SPPL3: variants seen among roughly 807,000 people sequenced by gnomAD.
SPPL3 encodes the protein signal peptide peptidase like 3, also known as signal peptide peptidase-like 3.
SPPL3 carries 5 observed loss-of-function variants against 42.4 expected under a neutral mutation model. The ratio of observed to expected loss-of-function variants is 0.12; its 90% CI spans 0.06 to 0.25. SPPL3 has a LOEUF of 0.25. Among genes scored for constraint, SPPL3 ranks in the 10% least tolerant of loss-of-function variants. SPPL3 has a pLI of 1.00. For synonymous variants in SPPL3, 195 were observed against 181.8 expected (o/e 1.07, Z -0.58); for missense variants, 235 against 489.0 (o/e 0.48, Z 4.90).
intron 2 of SPPL3, among the ~76,000 whole-genome samples, chr12:120,803,325 T>C (rs1379954623): frequency 1.3e-5 from 2 of 152,186 alleles, no homozygotes; most frequent in Non-Finnish European, 2.9e-5. Flanking sequence ...CAAAAGTTAG[T>C]ACATGCTCTG....
Position 120,834,745 on chromosome 12 carries a change from T to C in SPPL3, c.24-23859A>G, listed in dbSNP as rs550466919. Among the ~76,000 whole-genome samples the C allele has an allele frequency of 4.6e-5, 7 of 152,318 alleles. No individual in the cohort carries two copies. In the South Asian group the frequency reaches 1.5e-3, roughly 32 times the overall value. The stretch of plus-strand genomic sequence containing the variant: ...TTAACCAGAGCTAAAAATAACCTTT[T>C]GTGTTTCCCTTTCTGTACTCTTTTC... On this transcript the variant is annotated intron_variant, in intron 1 of 10. Transcript: ENST00000353487.
At chr12:120,799,980 AC>A (rs1870233409) in intron 2 of SPPL3, among the ~76,000 whole-genome samples, 1 of 152,134 alleles carries the variant, frequency 6.6e-6, no homozygotes, top group Non-Finnish European at 1.5e-5. Flanking sequence ...TAGGCCTTTA[AC>A]TTAGCTTATT....
chr12:120,880,765 C>T (rs1340153356), intron 1 of SPPL3, among the ~76,000 whole-genome samples: 2 of 150,696 alleles, frequency 1.3e-5, no homozygotes, highest in African/African-American at 2.4e-5. Context: ...CTAGCCTGGG[C>T]GACAGAGAGA....
At chr12:120,817,999 G>T (rs1870937437) in intron 1 of SPPL3, among the ~76,000 whole-genome samples, 1 of 152,114 alleles carries the variant, frequency 6.6e-6, no homozygotes, top group Non-Finnish European at 1.5e-5. Flanking sequence ...AAAAGGGTGG[G>T]TAAGTCTGGC....
At chr12:120,845,188 T>G in intron 1 of SPPL3, 1 of 459,640 alleles carries the variant, frequency 2.2e-6, no homozygotes, top group Non-Finnish European at 4.4e-6. Context: ...ACAGGTGGCC[T>G]GAATGTACCA....
In SPPL3 at chr12:120,781,555, GT is replaced by G. The variant is rs527339173; in HGVS notation, c.502+1099del. ...TCTAATCCCATCTCCTTATTGTTAC[GT>G]TTTTTTTTTTTTTTTTTTTTTTTTT... On this transcript the variant is annotated intron_variant, in intron 6 of 10. Coordinates refer to ENST00000353487, the MANE Select transcript of SPPL3 (RefSeq NM_139015.5). 9.5e-4 allele frequency among the ~76,000 whole-genome samples: 60 copies of G among 63,010 alleles called. 2 individuals are homozygous for G. The highest frequency in any genetic ancestry group is 2.6e-3 in the African/African-American group (38 of 14,642). The allele number at this position is 63,010 out of a possible 152,430, so 41.3% of individuals were successfully genotyped here.
chr12:120,792,342 T>G (rs535669315), intron 2 of SPPL3, among the ~76,000 whole-genome samples: 12 of 31,894 alleles, frequency 3.8e-4, no homozygotes, highest in African/African-American at 3.0e-3. Context: ...GCTTGCTCAT[T>G]TCTTTCTTTT....
chr12:120,809,916 T>C (rs1429800402), intron 2 of SPPL3, among the ~76,000 whole-genome samples: 3 of 152,210 alleles, frequency 2.0e-5, no homozygotes, highest in East Asian at 1.9e-4. Flanking sequence ...AAAAATATGA[T>C]GTAAATTTCC....
At chr12:120,875,722 T>C (rs1325408664) in intron 1 of SPPL3, among the ~76,000 whole-genome samples, 2 of 141,152 alleles carry the variant, frequency 1.4e-5, no homozygotes, top group Admixed American at 6.9e-5. Context: ...GAAAAATAAA[T>C]TCCAAGAAGG....
Position 120,793,240 on chromosome 12 carries a change from T to G in SPPL3, c.102-1683A>C, listed in dbSNP as rs564598933. 2.6e-5 allele frequency among the ~76,000 whole-genome samples: 4 copies of G among 152,344 alleles called. No homozygotes were observed. The East Asian group carries it at 7.7e-4, about 29-fold the overall frequency. ...ACCATGAGAAACTGGCTGGAAGCGG[T>G]GGCTCACGCCTGGAATCCCAGCACT... On this transcript the variant is annotated intron_variant, in intron 2 of 10. Transcript: ENST00000353487.
At chr12:120,846,337 C>CAT in intron 1 of SPPL3, among the ~76,000 whole-genome samples, 1 of 152,288 alleles carries the variant, frequency 6.6e-6, no homozygotes, top group East Asian at 1.9e-4. Flanking sequence ...ACAGTAATGA[C>CAT]ATATTTGTTT....
intron 1 of SPPL3, among the ~76,000 whole-genome samples, chr12:120,888,277 C>T (rs751724959): frequency 9.9e-5 from 15 of 152,130 alleles, no homozygotes; most frequent in Non-Finnish European, 2.1e-4. Context: ...GGTTTCACCA[C>T]GTTGGCCAGG....
intron 3 of SPPL3, among the ~76,000 whole-genome samples, chr12:120,785,114 T>C (rs1424576842): frequency 6.6e-6 from 1 of 151,870 alleles, no homozygotes; most frequent in Non-Finnish European, 1.5e-5. Context: ...ATCAGAAAAA[T>C]TTTATTTGGC....
At chr12:120,871,938 A>C (rs919261180) in intron 1 of SPPL3, among the ~76,000 whole-genome samples, 2 of 152,122 alleles carry the variant, frequency 1.3e-5, no homozygotes, top group Non-Finnish European at 2.9e-5. Context: ...GATTTTTCCG[A>C]TTTTGGAATA....
intron 1 of SPPL3, among the ~76,000 whole-genome samples, chr12:120,893,706 A>C (rs568565602): frequency 6.6e-6 from 1 of 152,108 alleles, no homozygotes; most frequent in African/African-American, 2.4e-5. Context: ...TGCCCCTAAA[A>C]ATTCTCTTAT....
At chr12:120,866,995 T>C (rs1158809459) in intron 1 of SPPL3, among the ~76,000 whole-genome samples, 1 of 152,232 alleles carries the variant, frequency 6.6e-6, no homozygotes, top group African/African-American at 2.4e-5. Context: ...GCTTGAGTGA[T>C]AATCCATCCT....
intron 2 of SPPL3, among the ~76,000 whole-genome samples, chr12:120,808,343 T>C (rs1381953486): frequency 1.3e-5 from 2 of 152,164 alleles, no homozygotes; most frequent in East Asian, 3.8e-4. Flanking sequence ...CCCAAAGTGC[T>C]GGGATTACAG....
chr12:120,853,340 C>G (rs1041180414), intron 1 of SPPL3, among the ~76,000 whole-genome samples: 2 of 152,114 alleles, frequency 1.3e-5, no homozygotes, highest in African/African-American at 4.8e-5. Flanking sequence ...CAGAGAATTC[C>G]TGTTAGACAA....
intron 1 of SPPL3, among the ~76,000 whole-genome samples, chr12:120,844,532 C>G (rs534655595): frequency 2.6e-5 from 4 of 152,176 alleles, no homozygotes; most frequent in African/African-American, 2.4e-5. Context: ...GCCTGCCCCC[C>G]ACACCCCACA....
Sources: allele counts gnomAD v4.1 joint callset (sites outside exome capture counted in the v4.1 genomes callset), GRCh38; gene constraint gnomAD v4.1.1; transcripts MANE v1.5; gene names NCBI Gene and HGNC (gene_info 2026-07-23, HGNC 2026-07-21).